LSM1: variants seen among roughly 807,000 people sequenced by gnomAD.
The protein encoded by LSM1 is LSM1 homolog, mRNA degradation associated.
A neutral mutation model predicts 18.0 loss-of-function variants in LSM1; 13 were observed. The observed-to-expected ratio is 0.72, with a 90% CI of 0.47 to 1.15. The LOEUF is 1.15. Ranked by LOEUF, LSM1 falls within the 50% of genes most tolerant of loss-of-function variation. The probability of loss-of-function intolerance (pLI) is 0.00; values close to 1 mark genes in which losing one functional copy is unlikely to be tolerated. For missense variants in LSM1, 152 were observed against 157.7 expected (o/e 0.96, Z 0.19); for synonymous variants, 46 against 56.0 (o/e 0.82, Z 0.80).
chr8:38,165,173 AC>A (rs33931136), intron 3 of LSM1, among the ~76,000 whole-genome samples: 57,357 of 151,724 alleles, frequency 0.38, 11,429 homozygotes, highest in East Asian at 0.6. Flanking sequence ...ACATGGCAAA[AC>A]CCCCGTCTCT....
In LSM1 at chr8:38,176,337, G is replaced by A; in HGVS notation, c.-17C>T. The A allele has an allele frequency of 6.2e-7, 1 of 1,608,474 alleles. No individual in the cohort carries two copies. The highest frequency in any genetic ancestry group is 8.5e-7 in the Non-Finnish European group (1 of 1,176,770). Reference sequence around the variant, plus strand: ...ATAGTTCATTTTGAACTGAAATAATGCTGCAATGCACAGCGGCGGGAGGCC... The same window carrying A: ...ATAGTTCATTTTGAACTGAAATAATACTGCAATGCACAGCGGCGGGAGGCC... On this transcript the variant is annotated 5_prime_UTR_variant, in exon 1 of 4. Coordinates refer to ENST00000311351, the MANE Select transcript of LSM1 (RefSeq NM_014462.3).
Position 38,171,993 on chromosome 8 carries a change from T to C in LSM1, c.87A>G (p.Ile29Met), listed in dbSNP as rs753926143. 3.7e-6 allele frequency: 6 copies of C among 1,612,474 alleles called. No homozygotes were observed. The highest frequency in any genetic ancestry group is 1.3e-5 in the African/African-American group (1 of 74,930). Reference sequence around the variant, plus strand: ...ATTGATCAATGCTTCTTAAAAAGCCTATAAGTGTCCTTCCATCTCGAAGCA... The same window carrying C: ...ATTGATCAATGCTTCTTAAAAAGCCCATAAGTGTCCTTCCATCTCGAAGCA... ...LVLLRDGRTL[I>M]GFLRSIDQFA... The change falls in exon 2 of 4, where the codon ATA becomes ATG. Residue 29 changes from isoleucine (I) to methionine (M), a missense_variant. Coordinates refer to ENST00000311351, the MANE Select transcript of LSM1 (RefSeq NM_014462.3).
chr8:38,170,942 C>T (rs941861092), intron 2 of LSM1: 48 of 383,096 alleles, frequency 1.3e-4, no homozygotes, highest in East Asian at 3.6e-4. Context: ...GTTTTAATTA[C>T]GTTTCTTCCT....
intron 3 of LSM1, among the ~76,000 whole-genome samples, chr8:38,168,357 G>A (rs75301334): frequency 0.04 from 6,083 of 151,488 alleles, 178 homozygotes; most frequent in Admixed American, 0.076. Flanking sequence ...CTGGGAGGCC[G>A]AGGCGGGTAG....
intron 3 of LSM1, among the ~76,000 whole-genome samples, chr8:38,167,415 C>T (rs766077606): frequency 6.6e-6 from 1 of 152,168 alleles, no homozygotes; most frequent in Non-Finnish European, 1.5e-5. Flanking sequence ...AATCATGGCT[C>T]ACTGTAGCCT....
At chr8:38,170,551 G>C (rs1340543258) in intron 2 of LSM1, among the ~76,000 whole-genome samples, 1 of 151,930 alleles carries the variant, frequency 6.6e-6, no homozygotes, top group South Asian at 2.1e-4. Flanking sequence ...TGGAAAACTT[G>C]GGCCTAAACA....
chr8:38,169,169 TTTAAAAAAAAATCTGAG>T (rs1802984839), intron 3 of LSM1, among the ~76,000 whole-genome samples: 1 of 152,090 alleles, frequency 6.6e-6, no homozygotes, highest in Non-Finnish European at 1.5e-5. Flanking sequence ...AATAAGATAC[TTTAAAAAAAAATCTGAG>T]TACTTCTAGT....
At chr8:38,169,761 T>G (rs1802993048) in intron 3 of LSM1, 41 bp downstream of exon 3, 2 of 1,160,812 alleles carry the variant, frequency 1.7e-6, no homozygotes, top group East Asian at 2.4e-5. Context: ...CTAACTAGCA[T>G]GAATATGAAG....
At chr8:38,173,966 T>TA (rs1432650706) in intron 1 of LSM1, among the ~76,000 whole-genome samples, 1 of 152,128 alleles carries the variant, frequency 6.6e-6, no homozygotes, top group Non-Finnish European at 1.5e-5. Context: ...TACCAGTTGT[T>TA]AGAGAAATCA....
At chr8:38,164,620 G>A (rs1013434764) in intron 3 of LSM1, among the ~76,000 whole-genome samples, 1 of 151,162 alleles carries the variant, frequency 6.6e-6, no homozygotes, top group East Asian at 1.9e-4. Flanking sequence ...CTAGGAGTTC[G>A]AGACCAGCCT....
chr8:38,165,501 C>T (rs1802913527), intron 3 of LSM1, among the ~76,000 whole-genome samples: 1 of 151,476 alleles, frequency 6.6e-6, no homozygotes, highest in South Asian at 2.1e-4. Context: ...TTGATAATAT[C>T]CCTACAATTT....
intron 2 of LSM1, among the ~76,000 whole-genome samples, chr8:38,170,313 A>G (rs1336457351): frequency 6.6e-6 from 1 of 152,214 alleles, no homozygotes; most frequent in African/African-American, 2.4e-5. Context: ...CTGGGATTAC[A>G]GGCGTGAGCC....
At chr8:38,176,707 C>T, upstream of LSM1, 1 of 926,912 alleles carries the variant, frequency 1.1e-6, no homozygotes, top group Non-Finnish European at 1.5e-6. Flanking sequence ...CTCCGTCCCT[C>T]AGCTTTCGGG....
In LSM1 at chr8:38,163,446, G is replaced by A. The variant is rs187041451; in HGVS notation, c.*224C>T. On this transcript the variant is annotated 3_prime_UTR_variant, in exon 4 of 4. Transcript: ENST00000311351. Reference sequence around the variant, plus strand: ...AAGTAGTTGCTGGTGCCACAGTGATGTGTGAAGGAGTCTATGCCACTGTTT... The same window carrying A: ...AAGTAGTTGCTGGTGCCACAGTGATATGTGAAGGAGTCTATGCCACTGTTT... 5.3e-5 allele frequency: 23 copies of A among 437,014 alleles called. No individual in the cohort carries two copies. The highest frequency in any genetic ancestry group is 8.5e-5 in the Non-Finnish European group (21 of 245,910). 27.1% of individuals were successfully genotyped at this position (437,014 alleles called of 1,614,324 possible). A position where few individuals can be genotyped will look rare whatever the true frequency, so the allele number is the denominator to read the frequency against.
chr8:38,167,771 A>C (rs765476242), intron 3 of LSM1, among the ~76,000 whole-genome samples: 5 of 152,116 alleles, frequency 3.3e-5, no homozygotes, highest in Non-Finnish European at 7.4e-5. Flanking sequence ...TGGCAGTATC[A>C]AGCACAGTGG....
At chr8:38,167,619 G>A (rs1323516315) in intron 3 of LSM1, among the ~76,000 whole-genome samples, 3 of 152,158 alleles carry the variant, frequency 2.0e-5, no homozygotes, top group African/African-American at 7.2e-5. Flanking sequence ...GATTACAGAC[G>A]TGAGCCACTG....
chr8:38,172,105 A>G, intron 1 of LSM1, 72 bp from the exon 2 acceptor site: 1 of 1,070,668 alleles, frequency 9.3e-7, no homozygotes, highest in Non-Finnish European at 1.4e-6. Flanking sequence ...AATAATTAAC[A>G]GTTTAAGCTG....
intron 3 of LSM1, among the ~76,000 whole-genome samples, chr8:38,165,024 T>G (rs1802906320): frequency 6.6e-6 from 1 of 152,104 alleles, no homozygotes; most frequent in East Asian, 1.9e-4. Context: ...TAAACCAATT[T>G]GGTCCCAATA....
upstream of LSM1, chr8:38,176,641 A>G: frequency 1.7e-6 from 1 of 573,414 alleles, no homozygotes; most frequent in Non-Finnish European, 3.0e-6. Flanking sequence ...ACTCCCTCTT[A>G]AGGAACACGG....
Sources: gnomAD v4.1 joint callset for allele counts (sites outside exome capture counted in the v4.1 genomes callset) on GRCh38, gnomAD v4.1.1 for gene constraint, MANE v1.5 for transcripts, NCBI Gene and HGNC (gene_info 2026-07-23, HGNC 2026-07-21) for gene names.